The following ITSN1 variants were observed in gnomAD, a reference collection of about 807,000 sequenced individuals.
ITSN1 encodes the protein intersectin 1.
A neutral mutation model predicts 239.8 loss-of-function variants in ITSN1; 58 were observed. That is an observed-to-expected ratio of 0.24 (90% CI 0.20 to 0.30). The LOEUF (loss-of-function observed/expected upper bound fraction) is 0.30. ITSN1 is among the 10% of genes least tolerant of loss of function. The pLI is 1.00. For missense variants in ITSN1, 1,558 were observed against 2,103.3 expected (o/e 0.74, Z 5.07); for synonymous variants, 780 against 770.8 (o/e 1.01, Z -0.20).
At chr21:33,672,494 A>C (rs1470690884) in intron 1 of ITSN1, among the ~76,000 whole-genome samples, 1 of 152,206 alleles carries the variant, frequency 6.6e-6, no homozygotes, top group African/African-American at 2.4e-5. Context: ...TGGCCAGGAT[A>C]TGAAGAAAAG....
Position 33,898,858 on chromosome 21 carries a change from C to T in ITSN1, c.*10558C>T, listed in dbSNP as rs1986936035. On this transcript the variant is annotated 3_prime_UTR_variant, in exon 40 of 40. Transcript: ENST00000381318. ...CTGCTGACTTCAGGAGTATGGGAAGCTGTGATTTCTGGAAGCTTCCTGGAA... is the reference window on the plus strand; with the variant it reads ...CTGCTGACTTCAGGAGTATGGGAAGTTGTGATTTCTGGAAGCTTCCTGGAA... The T allele has an allele frequency of 6.6e-6, 1 of 152,256 alleles. No individual in the cohort carries two copies. The highest frequency in any genetic ancestry group is 2.4e-5 in the African/African-American group (1 of 41,462). 9.4% of individuals were successfully genotyped at this position (152,256 alleles called of 1,614,324 possible).
intron 28 of ITSN1, 59 bp from the exon 29 acceptor site, chr21:33,836,382 T>C: frequency 7.7e-7 from 1 of 1,296,492 alleles, no homozygotes; most frequent in South Asian, 1.5e-5. Flanking sequence ...GGCTGCGCGG[T>C]ACCCGTTGTG....
At chr21:33,664,859 G>A (rs183241745) in intron 1 of ITSN1, among the ~76,000 whole-genome samples, 1 of 152,296 alleles carries the variant, frequency 6.6e-6, no homozygotes, top group African/African-American at 2.4e-5. Flanking sequence ...TAATTTCTCA[G>A]TTGCTCTTTC....
At chr21:33,876,599 T>C (rs1007010965) in intron 34 of ITSN1, among the ~76,000 whole-genome samples, 6 of 152,210 alleles carry the variant, frequency 3.9e-5, no homozygotes, top group Non-Finnish European at 7.3e-5. Flanking sequence ...TCTTAACACA[T>C]TTTAAACATA....
At chr21:33,814,667 G>C (rs2073145315) in intron 22 of ITSN1, among the ~76,000 whole-genome samples, 1 of 152,190 alleles carries the variant, frequency 6.6e-6, no homozygotes, top group Non-Finnish European at 1.5e-5. Context: ...GGAGGCACTG[G>C]AGGTTCCAGC....
chr21:33,861,968 T>A (rs369514619), intron 31 of ITSN1, among the ~76,000 whole-genome samples: 23 of 18,676 alleles, frequency 1.2e-3, no homozygotes, highest in Admixed American at 2.1e-3. Flanking sequence ...AATAAATAAA[T>A]AAAAAAGAAA....
intron 16 of ITSN1, among the ~76,000 whole-genome samples, chr21:33,784,255 C>G (rs2070442848): frequency 6.7e-6 from 1 of 149,946 alleles, no homozygotes; most frequent in Non-Finnish European, 1.5e-5. Context: ...ATCACTTGAG[C>G]AAGTGGATCA....
intron 33 of ITSN1, among the ~76,000 whole-genome samples, chr21:33,873,936 A>C (rs961200876): frequency 6.6e-6 from 1 of 151,926 alleles, no homozygotes; most frequent in Non-Finnish European, 1.5e-5. Flanking sequence ...CGAGGCAGGC[A>C]GAACATCTGA....
chr21:33,807,509 T>C (rs887645926), intron 20 of ITSN1, among the ~76,000 whole-genome samples: 2 of 152,220 alleles, frequency 1.3e-5, no homozygotes, highest in Admixed American at 1.3e-4. Context: ...GGCTAATTTT[T>C]GTATTTTTTG....
chr21:33,699,456 G>C (rs996788434), intron 1 of ITSN1, among the ~76,000 whole-genome samples: 6 of 152,174 alleles, frequency 3.9e-5, no homozygotes, highest in African/African-American at 1.4e-4. Flanking sequence ...CAGCTGGCTG[G>C]GCACGGTGCC....
At chr21:33,760,256 G>A (rs1178219120) in intron 8 of ITSN1, among the ~76,000 whole-genome samples, 2 of 152,158 alleles carry the variant, frequency 1.3e-5, no homozygotes, top group Non-Finnish European at 2.9e-5. Flanking sequence ...GTGGAACAGC[G>A]GACAGGCTAT....
Position 33,811,142 on chromosome 21 carries a change from G to A in ITSN1, c.2487G>A (p.Leu829=). ...CTGCCCCTGCCCCCAAACTGGCCTTGCGTGAGACCCCCGCCCCTTTGGCAG... is the reference window on the plus strand; with the variant it reads ...CTGCCCCTGCCCCCAAACTGGCCTTACGTGAGACCCCCGCCCCTTTGGCAG... ...STSAPAPKLA[L]RETPAPLAVT... Residue 829 remains leucine (L), a synonymous_variant, in exon 21 of 40, where the codon TTG becomes TTA. Transcript: ENST00000381318. 1 of 1,610,810 alleles carries A rather than the reference G, an allele frequency of 6.2e-7. No homozygotes were observed. Among genetic ancestry groups the A allele is most frequent in the Non-Finnish European group, 8.5e-7 (1 of 1,179,452 alleles).
intron 20 of ITSN1, among the ~76,000 whole-genome samples, chr21:33,810,758 T>A (rs1232118066): frequency 6.6e-6 from 1 of 152,222 alleles, no homozygotes; most frequent in African/African-American, 2.4e-5. Flanking sequence ...AAGGCTTTTT[T>A]AAAAAGTGCA....
intron 1 of ITSN1, among the ~76,000 whole-genome samples, chr21:33,692,772 A>G (rs548247575): frequency 3.6e-4 from 54 of 151,848 alleles, no homozygotes; most frequent in African/African-American, 1.2e-3. Flanking sequence ...TCAGTAATCT[A>G]TTTCTTTTTT....
intron 25 of ITSN1, 70 bp from the exon 26 acceptor site, chr21:33,826,748 C>G (rs1228467868): frequency 7.0e-7 from 1 of 1,429,168 alleles, no homozygotes; most frequent in Admixed American, 1.7e-5. Context: ...TTTGTATCAT[C>G]ATTAATCGTT....
chr21:33,836,860 C>A, intron 29 of ITSN1: 1 of 759,534 alleles, frequency 1.3e-6, no homozygotes, highest in Non-Finnish European at 2.2e-6. Context: ...CCTCCCCTCC[C>A]TCCTTTTTCC....
At chr21:33,770,721 A>G (rs1344604059) in intron 11 of ITSN1, among the ~76,000 whole-genome samples, 4 of 151,036 alleles carry the variant, frequency 2.6e-5, no homozygotes, top group Non-Finnish European at 5.9e-5. Flanking sequence ...ACCTTGCAGC[A>G]TGTATCATTA....
intron 33 of ITSN1, among the ~76,000 whole-genome samples, chr21:33,870,339 A>G (rs1162385922): frequency 6.6e-6 from 1 of 152,224 alleles, no homozygotes; most frequent in Non-Finnish European, 1.5e-5. Flanking sequence ...AATGGGAGAA[A>G]AACTAAAACA....
chr21:33,795,312 G>A lies in ITSN1; in HGVS notation c.1952+844G>A, dbSNP rs140115965. 5.1e-3 allele frequency among the ~76,000 whole-genome samples: 781 copies of A among 152,290 alleles called. 5 individuals carry two copies. The highest frequency in any genetic ancestry group is 0.017 in the African/African-American group (727 of 41,552). The stretch of plus-strand genomic sequence containing the variant: ...AAAATGCAAAAAATTAGCTGGGCAC[G>A]GTGGCACGCGCCTGTAGTCCCAGCT... On this transcript the variant is annotated intron_variant, in intron 17 of 39. Coordinates refer to ENST00000381318, the MANE Select transcript of ITSN1 (RefSeq NM_003024.3).
Sources: gnomAD v4.1 joint callset for allele counts (sites outside exome capture counted in the v4.1 genomes callset) on GRCh38, gnomAD v4.1.1 for gene constraint, MANE v1.5 for transcripts, NCBI Gene and HGNC (gene_info 2026-07-23, HGNC 2026-07-21) for gene names.